Variants in SLC39A11 observed in about 807,000 individuals in gnomAD.
SLC39A11 encodes solute carrier family 39 member 11.
In SLC39A11, 33 loss-of-function variants were observed where a neutral mutation model predicts 36.1. That is an observed-to-expected ratio of 0.91 (90% CI 0.69 to 1.22). SLC39A11 has a LOEUF of 1.22. Ranked by LOEUF, SLC39A11 falls within the 50% of genes most tolerant of loss-of-function variation. The probability of loss-of-function intolerance (pLI) is 0.00; values close to 1 mark genes in which losing one functional copy is unlikely to be tolerated. For missense variants in SLC39A11, 432 were observed against 430.3 expected, an observed-to-expected ratio of 1.00 and a Z score of -0.03; for synonymous variants, 166 against 170.3, an observed-to-expected ratio of 0.97 and a Z score of 0.20.
At chr17:72,771,955 A>G (rs1204658815) in intron 6 of SLC39A11, among the ~76,000 whole-genome samples, 1 of 151,970 alleles carries the variant, frequency 6.6e-6, no homozygotes, top group African/African-American at 2.4e-5. Context: ...TCCACCACCA[A>G]CCCTCCTTTT....
intron 3 of SLC39A11, among the ~76,000 whole-genome samples, chr17:73,059,325 T>C (rs2059767033): frequency 6.6e-6 from 1 of 152,146 alleles, no homozygotes; most frequent in Non-Finnish European, 1.5e-5. Context: ...TCACTAGAAA[T>C]TGAGGTTAGT....
At chr17:72,880,397 T>C (rs1384138488) in intron 5 of SLC39A11, among the ~76,000 whole-genome samples, 1 of 152,014 alleles carries the variant, frequency 6.6e-6, no homozygotes, top group Non-Finnish European at 1.5e-5. Flanking sequence ...GGTGAAACCC[T>C]GTCTCTACTC....
At chr17:72,681,220 C>A (rs2071496086) in intron 7 of SLC39A11, among the ~76,000 whole-genome samples, 1 of 152,306 alleles carries the variant, frequency 6.6e-6, no homozygotes, top group African/African-American at 2.4e-5. Flanking sequence ...AGCCACAGCA[C>A]CCGGTCTACA....
chr17:72,651,102 T>C (rs1196626338), intron 7 of SLC39A11, among the ~76,000 whole-genome samples: 1 of 152,190 alleles, frequency 6.6e-6, no homozygotes, highest in Non-Finnish European at 1.5e-5. Context: ...GCCAGTCAAG[T>C]AGACTCTTAG....
At chr17:72,648,758 G>A (rs930146662) in intron 9 of SLC39A11, 45 bp downstream of exon 9, 9 of 1,609,762 alleles carry the variant, frequency 5.6e-6, no homozygotes, top group Non-Finnish European at 6.8e-6. Flanking sequence ...TGGGGTCCCA[G>A]CTGGGACTGG....
intron 4 of SLC39A11, among the ~76,000 whole-genome samples, chr17:73,027,751 A>G (rs1299507912): frequency 5.9e-5 from 9 of 152,186 alleles, no homozygotes; most frequent in Admixed American, 5.9e-4. Context: ...ACATATAACC[A>G]GGGTGGGTGG....
intron 7 of SLC39A11, among the ~76,000 whole-genome samples, chr17:72,694,448 T>C (rs759891626): frequency 6.6e-6 from 1 of 152,230 alleles, no homozygotes; most frequent in Non-Finnish European, 1.5e-5. Context: ...AACTGTCTCC[T>C]TGGTCTCAGA....
At chr17:72,865,229 G>A (rs2146285116) in intron 5 of SLC39A11, among the ~76,000 whole-genome samples, 1 of 152,138 alleles carries the variant, frequency 6.6e-6, no homozygotes, top group Non-Finnish European at 1.5e-5. Flanking sequence ...CTGTCCACAT[G>A]GAGGTAAAGG....
chr17:72,675,610 C>A (rs560402818), intron 7 of SLC39A11, among the ~76,000 whole-genome samples: 2 of 152,314 alleles, frequency 1.3e-5, no homozygotes, highest in South Asian at 4.1e-4. Flanking sequence ...GGAGTCCCAG[C>A]AAACTGGCTG....
intron 6 of SLC39A11, among the ~76,000 whole-genome samples, chr17:72,756,264 G>A (rs1185417248): frequency 6.6e-6 from 1 of 152,198 alleles, no homozygotes; most frequent in Non-Finnish European, 1.5e-5. Flanking sequence ...ACAAGGAGGT[G>A]GCAATTCTAC....
chr17:72,932,284 C>T (rs1044629996), intron 5 of SLC39A11, among the ~76,000 whole-genome samples: 1 of 123,906 alleles, frequency 8.1e-6, no homozygotes, highest in South Asian at 2.1e-4. Flanking sequence ...TGAAGAATGA[C>T]CTGTTCTTTT....
At chr17:72,848,440 G>T (rs142258257) in intron 6 of SLC39A11, among the ~76,000 whole-genome samples, 256 of 152,200 alleles carry the variant, frequency 1.7e-3, no homozygotes, top group Middle Eastern at 6.8e-3. Flanking sequence ...CATAAAACAG[G>T]CCAGCGTGGT....
chr17:72,961,200 T>G (rs1038803979), intron 4 of SLC39A11, among the ~76,000 whole-genome samples: 1 of 152,178 alleles, frequency 6.6e-6, no homozygotes, highest in African/African-American at 2.4e-5. Context: ...CTTGCTATTC[T>G]CACATCAGTT....
At chr17:72,794,948 G>A (rs914664789) in intron 6 of SLC39A11, among the ~76,000 whole-genome samples, 2 of 152,062 alleles carry the variant, frequency 1.3e-5, no homozygotes, top group Non-Finnish European at 2.9e-5. Flanking sequence ...GGATATGAGG[G>A]ATGAATGCCA....
intron 5 of SLC39A11, among the ~76,000 whole-genome samples, chr17:72,939,684 G>A (rs755668281): frequency 1.8e-4 from 27 of 152,242 alleles, no homozygotes; most frequent in African/African-American, 5.8e-4. Flanking sequence ...GCCAGGAAAC[G>A]CTGGGGGCCA....
intron 5 of SLC39A11, among the ~76,000 whole-genome samples, chr17:72,911,653 C>T (rs927019738): frequency 2.0e-5 from 3 of 152,086 alleles, no homozygotes; most frequent in Admixed American, 2.0e-4. Context: ...GCACATCAAA[C>T]AAAACCAAAC....
At chr17:72,647,765 ACTAC>A (rs2069627684) in intron 9 of SLC39A11, 103 bp from the exon 10 acceptor site, 1 of 842,068 alleles carries the variant, frequency 1.2e-6, no homozygotes, top group Admixed American at 2.2e-5. Context: ...GAGAAAGCAC[ACTAC>A]CATTAATAAT....
At chr17:72,841,202 A>G (rs1478770759) in intron 6 of SLC39A11, among the ~76,000 whole-genome samples, 6 of 152,256 alleles carry the variant, frequency 3.9e-5, no homozygotes, top group Non-Finnish European at 7.3e-5. Flanking sequence ...AGTATGTGTT[A>G]TAACATTGGG....
chr17:72,713,236 G>C (rs1275053588), intron 7 of SLC39A11, among the ~76,000 whole-genome samples: 1 of 152,162 alleles, frequency 6.6e-6, no homozygotes, highest in African/African-American at 2.4e-5. Flanking sequence ...GAAAGATTAG[G>C]AGCCACAGTC....
Sources: gnomAD v4.1 joint callset for allele counts (sites outside exome capture counted in the v4.1 genomes callset) on GRCh38, gnomAD v4.1.1 for gene constraint, MANE v1.5 for transcripts, NCBI Gene and HGNC (gene_info 2026-07-23, HGNC 2026-07-21) for gene names.